Variants in SNTG1 observed in about 807,000 individuals in gnomAD.
SNTG1 encodes gamma-1-syntrophin.
A neutral mutation model predicts 74.7 loss-of-function variants in SNTG1; 39 were observed. The observed-to-expected ratio is 0.52, with a 90% CI of 0.40 to 0.68. The LOEUF is 0.68. Ranked by LOEUF, SNTG1 falls within the 30% of genes least tolerant of loss-of-function variation. The probability of loss-of-function intolerance (pLI) is 0.00; values close to 1 mark genes in which losing one functional copy is unlikely to be tolerated. For missense variants in SNTG1, 685 were observed against 609.5 expected (o/e 1.12, Z -1.30); for synonymous variants, 254 against 217.1 (o/e 1.17, Z -1.49).
chr8:50,277,152 A>G (rs1013988694), intron 2 of SNTG1, among the ~76,000 whole-genome samples: 2 of 151,748 alleles, frequency 1.3e-5, no homozygotes, highest in Non-Finnish European at 2.9e-5. Context: ...TTGTAGTTCC[A>G]GCTACTCGGG....
intron 1 of SNTG1, among the ~76,000 whole-genome samples, chr8:49,936,135 A>AG: frequency 6.6e-6 from 1 of 152,218 alleles, no homozygotes; most frequent in Non-Finnish European, 1.5e-5. Flanking sequence ...GCAAAGAACT[A>AG]GGGGTCATTG....
chr8:50,345,151 A>T (rs1407676767), intron 2 of SNTG1, among the ~76,000 whole-genome samples: 1 of 152,196 alleles, frequency 6.6e-6, no homozygotes, highest in Admixed American at 6.5e-5. Context: ...ACAGCCCAGA[A>T]AAAGAATACA....
intron 11 of SNTG1, among the ~76,000 whole-genome samples, chr8:50,540,578 T>A (rs760706582): frequency 6.6e-6 from 1 of 152,196 alleles, no homozygotes; most frequent in Non-Finnish European, 1.5e-5. Flanking sequence ...TATTAGGTTT[T>A]ACATAAACAT....
intron 12 of SNTG1, among the ~76,000 whole-genome samples, chr8:50,590,322 G>T (rs1049442234): frequency 2.6e-5 from 4 of 152,144 alleles, no homozygotes; most frequent in South Asian, 2.1e-4. Flanking sequence ...TTTAAAGTTT[G>T]TTTCCATGGC....
chr8:49,935,207 GT>G (rs1807949782), intron 1 of SNTG1, among the ~76,000 whole-genome samples: 1 of 99,196 alleles, frequency 1.0e-5, no homozygotes, highest in African/African-American at 3.8e-5. Flanking sequence ...GCAGAAGTGT[GT>G]GTGTGTGTGT....
intron 2 of SNTG1, among the ~76,000 whole-genome samples, chr8:50,294,409 A>T (rs2089268896): frequency 6.6e-6 from 1 of 152,218 alleles, no homozygotes. Context: ...ATATATTAAG[A>T]GAGATCTATT....
intron 4 of SNTG1, among the ~76,000 whole-genome samples, chr8:50,417,944 G>T (rs571588648): frequency 2.6e-5 from 4 of 151,358 alleles, no homozygotes; most frequent in African/African-American, 9.7e-5. Context: ...CACTGCATTT[G>T]ATGATTCCCA....
At chr8:50,322,088 T>C (rs2090554497) in intron 2 of SNTG1, among the ~76,000 whole-genome samples, 2 of 149,312 alleles carry the variant, frequency 1.3e-5, no homozygotes, top group South Asian at 2.1e-4. Context: ...TTTTTTCAGA[T>C]TGGAGAATTG....
chr8:50,228,952 A>T (rs1437688520), intron 2 of SNTG1, among the ~76,000 whole-genome samples: 3 of 151,768 alleles, frequency 2.0e-5, no homozygotes, highest in Admixed American at 6.6e-5. Flanking sequence ...AAGTGATTAT[A>T]TCATATAGAT....
intron 2 of SNTG1, among the ~76,000 whole-genome samples, chr8:50,271,208 A>C (rs1380790): frequency 6.6e-6 from 1 of 152,020 alleles, no homozygotes; most frequent in Non-Finnish European, 1.5e-5. Context: ...CTTTTGGTAT[A>C]TCATCCCTAA....
At chr8:50,048,350 T>C (rs1208578289) in intron 1 of SNTG1, among the ~76,000 whole-genome samples, 3 of 152,074 alleles carry the variant, frequency 2.0e-5, no homozygotes, top group Non-Finnish European at 4.4e-5. Flanking sequence ...ATATATGAAA[T>C]AAGAAATCTG....
chr8:50,272,314 C>T (rs1037903781), intron 2 of SNTG1, among the ~76,000 whole-genome samples: 2 of 152,164 alleles, frequency 1.3e-5, no homozygotes, highest in Non-Finnish European at 2.9e-5. Flanking sequence ...TCTTCTGGGA[C>T]AGTTCAAGTG....
At chr8:50,692,228 T>G (rs906299497) in intron 15 of SNTG1, among the ~76,000 whole-genome samples, 1 of 152,318 alleles carries the variant, frequency 6.6e-6, no homozygotes, top group African/African-American at 2.4e-5. Context: ...TTTGATCATT[T>G]GAAGCCTTCT....
chr8:50,265,791 G>A (rs1361251124), intron 2 of SNTG1, among the ~76,000 whole-genome samples: 6 of 151,706 alleles, frequency 4.0e-5, no homozygotes, highest in Non-Finnish European at 7.4e-5. Flanking sequence ...TTTTTATAAA[G>A]TAGTGATGAA....
chr8:49,931,462 C>T (rs1807582386), intron 1 of SNTG1, among the ~76,000 whole-genome samples: 1 of 152,156 alleles, frequency 6.6e-6, no homozygotes, highest in Non-Finnish European at 1.5e-5. Context: ...GTACAATGCT[C>T]ACTATCTGGG....
At chr8:50,582,271 C>G (rs754108698) in intron 12 of SNTG1, among the ~76,000 whole-genome samples, 1 of 152,084 alleles carries the variant, frequency 6.6e-6, no homozygotes, top group Non-Finnish European at 1.5e-5. Context: ...TTCATTCATT[C>G]AACAAATATT....
At position 49,911,671 on chromosome 8, in the gene SNTG1, G is replaced by T; in HGVS notation, c.-663G>T. On this transcript the variant is annotated 5_prime_UTR_variant, in exon 1 of 19. Coordinates refer to ENST00000642720, the MANE Select transcript of SNTG1 (RefSeq NM_018967.5). ...GGAGGAAAGTGCGACCTGGACCTGC[G>T]CTTAGGGGCTCCCGTCCCCTTACTT... 6.6e-6 allele frequency: 1 copy of T among 152,270 alleles called. No homozygotes were observed. Among genetic ancestry groups the T allele is most frequent in the Non-Finnish European group, 1.5e-5 (1 of 68,132 alleles). 9.4% of individuals were successfully genotyped at this position (152,270 alleles called of 1,614,324 possible).
At chr8:50,084,122 G>T (rs1822654409) in intron 1 of SNTG1, among the ~76,000 whole-genome samples, 1 of 152,136 alleles carries the variant, frequency 6.6e-6, no homozygotes, top group African/African-American at 2.4e-5. Flanking sequence ...GTTCATGTCG[G>T]GGGAAATGTT....
At chr8:50,356,616 G>A (rs1169335387) in intron 2 of SNTG1, among the ~76,000 whole-genome samples, 1 of 152,098 alleles carries the variant, frequency 6.6e-6, no homozygotes, top group Non-Finnish European at 1.5e-5. Flanking sequence ...TCCTCCCATG[G>A]CAGAAAGTGG....
Sources: gnomAD v4.1 joint callset for allele counts (sites outside exome capture counted in the v4.1 genomes callset) on GRCh38, gnomAD v4.1.1 for gene constraint, MANE v1.5 for transcripts, NCBI Gene and HGNC (gene_info 2026-07-23, HGNC 2026-07-21) for gene names.